The following DRC8 variants were observed in gnomAD, a reference collection of about 807,000 sequenced individuals.
DRC8 encodes the protein dynein regulatory complex subunit 8, also known as dynein regulatory complex protein 8.
At chr1:245,124,575 T>G in the DRC8 span, 1 of 151,716 alleles carries the variant, frequency 6.6e-6, no homozygotes, top group African/African-American at 2.4e-5. Context: ...AGGTAACATT[T>G]GCATCCCCGT....
At chr1:245,006,679 A>AT in the DRC8 span, among the ~76,000 whole-genome samples, 1 of 152,186 alleles carries the variant, frequency 6.6e-6, no homozygotes, top group African/African-American at 2.4e-5. Flanking sequence ...CACGCCTGTA[A>AT]TCCCAGCACT....
At chr1:245,112,146 C>CG in the DRC8 span, among the ~76,000 whole-genome samples, 2 of 152,260 alleles carry the variant, frequency 1.3e-5, no homozygotes, top group African/African-American at 2.4e-5. Flanking sequence ...ACAATTTCCG[C>CG]TCACTGCAAC....
At chr1:245,057,892 A>G in the DRC8 span, among the ~76,000 whole-genome samples, 243 of 152,218 alleles carry the variant, frequency 1.6e-3, 2 homozygotes, top group Non-Finnish European at 6.0e-4. Context: ...TACTCCTTCT[A>G]TCTAACTAAT....
chr1:245,046,101 T>G, the DRC8 span, among the ~76,000 whole-genome samples: 5,261 of 152,290 alleles, frequency 0.035, 325 homozygotes, highest in African/African-American at 0.12. Context: ...AAGTTTCATT[T>G]AGTAGAAATA....
the DRC8 span, among the ~76,000 whole-genome samples, chr1:245,059,195 C>A: frequency 6.6e-5 from 10 of 152,128 alleles, no homozygotes; most frequent in African/African-American, 2.4e-4. Flanking sequence ...TCAATGAAAC[C>A]ATTTCTTTCA....
chr1:244,998,748 G>A, the DRC8 span, among the ~76,000 whole-genome samples: 3 of 152,176 alleles, frequency 2.0e-5, no homozygotes, highest in African/African-American at 7.2e-5. Flanking sequence ...CCCAGCTAAT[G>A]CCATGGCACT....
At chr1:245,087,542 C>G in the DRC8 span, 1 of 1,243,254 alleles carries the variant, frequency 8.0e-7, no homozygotes, top group Non-Finnish European at 1.0e-6. Context: ...TATGTCTAGC[C>G]TTACAGAATG....
At chr1:245,109,918 C>T in the DRC8 span, among the ~76,000 whole-genome samples, 1 of 152,208 alleles carries the variant, frequency 6.6e-6, no homozygotes. Context: ...CTTCCCATAG[C>T]CTATGGTACT....
chr1:244,980,769 C>T, the DRC8 span, among the ~76,000 whole-genome samples: 1 of 152,126 alleles, frequency 6.6e-6, no homozygotes, highest in African/African-American at 2.4e-5. Flanking sequence ...GTGCTTGGTA[C>T]CTAAATATCT....
the DRC8 span, among the ~76,000 whole-genome samples, chr1:245,104,694 GCTTTGATGTTATCTTTA>G: frequency 6.6e-6 from 1 of 152,008 alleles, no homozygotes; most frequent in African/African-American, 2.4e-5. Context: ...ACCTATAAAT[GCTTTGATGTTATCTTTA>G]CCAGAAAAGG....
At chr1:245,119,760 C>T in the DRC8 span, among the ~76,000 whole-genome samples, 7 of 151,810 alleles carry the variant, frequency 4.6e-5, no homozygotes, top group South Asian at 1.0e-3. Context: ...GGTGAAGCCC[C>T]GTCTCTACTA....
the DRC8 span, chr1:245,086,642 A>G: frequency 4.1e-6 from 2 of 486,580 alleles, no homozygotes; most frequent in South Asian, 3.0e-5. Flanking sequence ...TTAAACAAAC[A>G]CTTGCATGTT....
At chr1:245,073,658 TAAAA>T in the DRC8 span, among the ~76,000 whole-genome samples, 4 of 151,816 alleles carry the variant, frequency 2.6e-5, no homozygotes, top group Non-Finnish European at 4.4e-5. Context: ...GTTAAGTAAA[TAAAA>T]AAAGACGCTA....
chr1:245,078,032 TA>T, the DRC8 span, among the ~76,000 whole-genome samples: 2 of 151,486 alleles, frequency 1.3e-5, no homozygotes, highest in African/African-American at 4.9e-5. Context: ...ACGACCTAAT[TA>T]AAAAAAACGG....
At chr1:245,107,602 C>T in the DRC8 span, among the ~76,000 whole-genome samples, 1 of 152,224 alleles carries the variant, frequency 6.6e-6, no homozygotes, top group African/African-American at 2.4e-5. Context: ...AGGTCACCTC[C>T]TGCCTTTGCT....
At chr1:245,082,261 C>A in the DRC8 span, 1 of 1,082,614 alleles carries the variant, frequency 9.2e-7, no homozygotes, top group Non-Finnish European at 1.4e-6. Context: ...GTGTTATACT[C>A]AAGCAGTGTG....
At chr1:244,969,696 G>GA in the DRC8 span, 22 of 177,756 alleles carry the variant, frequency 1.2e-4, no homozygotes, top group South Asian at 3.1e-3. Context: ...CTCTCCTCTA[G>GA]CAATAGTCGA....
At chr1:245,122,911 A>G in the DRC8 span, 1 of 152,226 alleles carries the variant, frequency 6.6e-6, no homozygotes, top group Non-Finnish European at 1.5e-5. Flanking sequence ...CCCCACCGTC[A>G]TCCTCGGGCA....
the DRC8 span, among the ~76,000 whole-genome samples, chr1:245,065,076 T>C: frequency 1.8e-5 from 2 of 108,132 alleles, no homozygotes; most frequent in African/African-American, 4.7e-5. Context: ...CATTCTTCTT[T>C]TTTTTTTTTT....
Sources: allele counts gnomAD v4.1 joint callset (sites outside exome capture counted in the v4.1 genomes callset), GRCh38; gene constraint gnomAD v4.1.1; transcripts MANE v1.5; gene names NCBI Gene and HGNC (gene_info 2026-07-23, HGNC 2026-07-21).